Variants in NUP210 observed in about 807,000 individuals in gnomAD.
NUP210 encodes the protein nucleoporin 210, also known as nuclear pore membrane glycoprotein 210.
A neutral mutation model predicts 196.0 loss-of-function variants in NUP210; 151 were observed. That is an observed-to-expected ratio of 0.77 (90% CI 0.67 to 0.88). The LOEUF (loss-of-function observed/expected upper bound fraction) is 0.88. Among genes scored for constraint, NUP210 ranks in the 40% least tolerant of loss-of-function variants. The pLI, the probability that NUP210 is intolerant of heterozygous loss-of-function variation, is 0.00. For missense variants in NUP210, 2,314 were observed against 2,493.7 expected (o/e 0.93, Z 1.53); for synonymous variants, 1,070 against 1,052.7 (o/e 1.02, Z -0.32).
chr3:13,397,214 T>A, intron 3 of NUP210, 143 bp downstream of exon 3: 1 of 991,100 alleles, frequency 1.0e-6, no homozygotes, highest in African/African-American at 1.7e-5. Context: ...CAGCACCAAC[T>A]TCACCTGCCT....
At chr3:13,330,666 G>A (rs768658632) in intron 29 of NUP210, 32 bp from the exon 30 acceptor site, 42 of 1,602,578 alleles carry the variant, frequency 2.6e-5, no homozygotes, top group Non-Finnish European at 3.5e-5. Flanking sequence ...TGTTTTTGTA[G>A]ATGGCAGCAG....
intron 33 of NUP210, among the ~76,000 whole-genome samples, chr3:13,324,707 T>C (rs1696675105): frequency 6.6e-6 from 1 of 152,170 alleles, no homozygotes; most frequent in Non-Finnish European, 1.5e-5. Context: ...GCGACTGCTC[T>C]CTCGAGCTCC....
At chr3:13,320,474 A>C (rs1696475256) in intron 36 of NUP210, among the ~76,000 whole-genome samples, 1 of 151,558 alleles carries the variant, frequency 6.6e-6, no homozygotes, top group Non-Finnish European at 1.5e-5. Context: ...TCTATTAAAA[A>C]AACAAAAAAT....
intron 3 of NUP210, among the ~76,000 whole-genome samples, chr3:13,392,557 G>A (rs982331891): frequency 2.0e-5 from 3 of 152,206 alleles, no homozygotes; most frequent in Admixed American, 1.3e-4. Context: ...CCACACCAGC[G>A]AAGCACATCG....
chr3:13,321,437 AAG>A, intron 36 of NUP210, 146 bp downstream of exon 36: 1 of 825,752 alleles, frequency 1.2e-6, no homozygotes, highest in Non-Finnish European at 1.9e-6. Context: ...GGAAAAAGAA[AAG>A]AGTACTTCAA....
rs759701208 is a variant in NUP210 at position 13,379,718 on chromosome 3, A to G, written c.821T>C (p.Leu274Pro). ...QKIRQGKITE[L>P]SMPSDQYELQ... Reference sequence around the variant, plus strand: ...CTCGTACTGATCGGAAGGCATGGAGAGTTCTGGCCACCAAGAAACAAAAAA... The same window carrying G: ...CTCGTACTGATCGGAAGGCATGGAGGGTTCTGGCCACCAAGAAACAAAAAA... The change falls in exon 7 of 40, where the codon CTC (leucine) becomes CCC (proline). Residue 274 changes from leucine to proline, a missense_variant. Leu to Pro is a moderately conservative substitution (Grantham distance 98). Coordinates refer to ENST00000254508, the MANE Select transcript of NUP210 (RefSeq NM_024923.4). The surrounding 1 kb of genome is among the most constrained non-coding windows in gnomAD (Gnocchi z 4.2). The G allele has an allele frequency of 1.3e-6, 2 of 1,564,704 alleles. No homozygotes were observed. The highest frequency in any genetic ancestry group is 4.1e-5 in the Admixed American group (2 of 49,076).
chr3:13,393,628 C>T (rs981331623), intron 3 of NUP210, among the ~76,000 whole-genome samples: 12 of 152,176 alleles, frequency 7.9e-5, no homozygotes, highest in African/African-American at 2.4e-4. Context: ...GACCCAGCTG[C>T]GTGGGCCCTG....
chr3:13,418,461 G>A (rs7639585), intron 1 of NUP210, among the ~76,000 whole-genome samples: 27,892 of 152,086 alleles, frequency 0.18, 3,274 homozygotes, highest in Non-Finnish European at 0.27. Flanking sequence ...GACAAGCCAG[G>A]CATGGTGGCT....
rs145432737 is a variant in NUP210, at chr3:13,371,359, C to T, written c.1786+475G>A. On this transcript the variant is annotated intron_variant, in intron 13 of 39. Transcript: ENST00000254508. ...CTAAGGAGGTCAGGCATGCAAAGTG[C>T]CTGTCCTGTCCTGACAGGACTGACA... 1.6e-3 allele frequency among the ~76,000 whole-genome samples: 246 copies of T among 152,306 alleles called. 1 individual carries two copies. Among genetic ancestry groups the T allele is most frequent in the African/African-American group, 5.7e-3 (239 of 41,566 alleles).
chr3:13,373,532 G>A (rs1318904299), intron 12 of NUP210, among the ~76,000 whole-genome samples, 186 bp downstream of exon 12: 2 of 152,218 alleles, frequency 1.3e-5, no homozygotes, highest in Admixed American at 6.5e-5. Flanking sequence ...GTTGGCTGGT[G>A]TGAGACATCC....
intron 38 of NUP210, 28 bp from the exon 39 acceptor site, chr3:13,319,183 A>G: frequency 6.2e-7 from 1 of 1,611,422 alleles, no homozygotes; most frequent in Non-Finnish European, 8.5e-7. Context: ...TGGTTAGAGC[A>G]GGTCGGGGCA....
In NUP210 at chr3:13,350,437, AAAAACAAAACAAAAC is replaced by A. The variant is rs139729376; in HGVS notation, c.2835+1427_2835+1441del. ...AGTTTCCAACAATTATAGGACATGA[AAAAACAAAACAAAAC>A]AAAACAAAACAAAACAAAACAAAAC... On this transcript the variant is annotated intron_variant, in intron 20 of 39. Coordinates refer to ENST00000254508, the MANE Select transcript of NUP210 (RefSeq NM_024923.4). The surrounding 1 kb of genome is among the most constrained non-coding windows in gnomAD (Gnocchi z 4.1). Among the ~76,000 whole-genome samples, 574 of 145,412 alleles carry A rather than the reference AAAAACAAAACAAAAC, an allele frequency of 3.9e-3. 6 individuals carry two copies. Among genetic ancestry groups the A allele is most frequent in the African/African-American group, 0.013 (513 of 39,542 alleles).
At chr3:13,419,818 C>T (rs1464860850) in intron 1 of NUP210, among the ~76,000 whole-genome samples, 2 of 152,030 alleles carry the variant, frequency 1.3e-5, no homozygotes, top group Non-Finnish European at 2.9e-5. Flanking sequence ...ACGCGGGTCA[C>T]GGCCGCCAGG....
intron 1 of NUP210, among the ~76,000 whole-genome samples, chr3:13,403,200 T>A (rs1170011108): frequency 6.6e-6 from 1 of 152,228 alleles, no homozygotes; most frequent in African/African-American, 2.4e-5. Flanking sequence ...CTTTTGGGGC[T>A]GCCATGACAA....
At chr3:13,380,448 G>A (rs1353060999) in intron 6 of NUP210, among the ~76,000 whole-genome samples, 1 of 152,184 alleles carries the variant, frequency 6.6e-6, no homozygotes, top group African/African-American at 2.4e-5. Context: ...ACACGCTACT[G>A]AGAGCCACAT....
At position 13,358,358 on chromosome 3, in the gene NUP210, G is replaced by T. The variant is rs768830511; in HGVS notation, c.2192C>A (p.Thr731Asn). ...AGGCTCCACCGCAGGAAAGGGGTTG[G>T]TGAGGCTGGGCTTGTTCCCCACCGA... is the stretch of plus-strand genomic sequence containing the variant. Reference protein sequence around the residue: ...ALSVGNKPSLTNPFPAVEPAV... With the variant: ...ALSVGNKPSLNNPFPAVEPAV... Residue 731 changes from threonine to asparagine, a missense_variant, in exon 16 of 40, where the codon ACC becomes AAC. By Grantham distance (65) the Thr-to-Asn change is moderately conservative. Coordinates refer to ENST00000254508, the MANE Select transcript of NUP210 (RefSeq NM_024923.4). 2 of 1,613,706 alleles carry T rather than the reference G, an allele frequency of 1.2e-6. No individual in the cohort carries two copies. The highest frequency in any genetic ancestry group is 1.7e-6 in the Non-Finnish European group (2 of 1,179,824).
chr3:13,360,095 G>A (rs1009320383), intron 15 of NUP210, among the ~76,000 whole-genome samples, 175 bp downstream of exon 15: 12 of 152,214 alleles, frequency 7.9e-5, no homozygotes, highest in African/African-American at 2.4e-4. Context: ...CCTGCCTGGC[G>A]TTCATTGAGT....
rs1029720764 is a variant in NUP210, at chr3:13,379,266, A to T, written c.977-286T>A. 1.3e-5 allele frequency among the ~76,000 whole-genome samples: 2 copies of T among 152,162 alleles called. No individual in the cohort carries two copies. The highest frequency in any genetic ancestry group is 2.9e-5 in the Non-Finnish European group (2 of 68,030). ...TCAACACTCCATTATGCTAGTATGG[A>T]AACAGCCCCCGCCAGGCCCCCTCTG... On this transcript the variant is annotated intron_variant, in intron 7 of 39. Transcript: ENST00000254508. This position sits in a 1 kb window ranked among gnomAD's most constrained non-coding sequence, Gnocchi z 4.2.
intron 3 of NUP210, among the ~76,000 whole-genome samples, chr3:13,392,255 A>G (rs1345961490): frequency 6.6e-6 from 1 of 152,214 alleles, no homozygotes; most frequent in Admixed American, 6.5e-5. Flanking sequence ...CAAAGACTGC[A>G]TGAAATAGTG....
Sources: allele counts gnomAD v4.1 joint callset (sites outside exome capture counted in the v4.1 genomes callset), GRCh38; gene constraint gnomAD v4.1.1; non-coding constraint Gnocchi (gnomAD v3.1); transcripts MANE v1.5; gene names NCBI Gene and HGNC (gene_info 2026-07-23, HGNC 2026-07-21).